The following FMN1 variants were observed in gnomAD, a reference collection of about 807,000 sequenced individuals.
The protein encoded by FMN1 is formin-1.
A neutral mutation model predicts 132.4 loss-of-function variants in FMN1; 110 were observed. The observed-to-expected ratio is 0.83, with a 90% CI of 0.71 to 0.97. The LOEUF is 0.97. Ranked by LOEUF, FMN1 falls within the 50% of genes least tolerant of loss-of-function variation. The probability of loss-of-function intolerance (pLI) is 0.00; values close to 1 mark genes in which losing one functional copy is unlikely to be tolerated. For synonymous variants in FMN1, 722 were observed against 651.7 expected (o/e 1.11, Z -1.64); for missense variants, 1,792 against 1,705.3 (o/e 1.05, Z -0.90).
intron 3 of FMN1, among the ~76,000 whole-genome samples, chr15:33,177,788 T>C (rs565274602): frequency 1.3e-5 from 2 of 152,310 alleles, no homozygotes; most frequent in East Asian, 3.9e-4. Flanking sequence ...ATGGATCACA[T>C]GAGGTCAGGA....
At chr15:32,926,663 T>C (rs1161712777) in intron 9 of FMN1, among the ~76,000 whole-genome samples, 2 of 152,226 alleles carry the variant, frequency 1.3e-5, no homozygotes, top group East Asian at 3.8e-4. Flanking sequence ...TTTAGTAATG[T>C]CATCTTCTGA....
intron 19 of FMN1, among the ~76,000 whole-genome samples, chr15:32,779,916 G>A (rs2056610437): frequency 6.6e-6 from 1 of 152,150 alleles, no homozygotes; most frequent in South Asian, 2.1e-4. Context: ...GGAATCAGAG[G>A]CATGATACTG....
chr15:32,881,225 T>A (rs1019037869), intron 16 of FMN1, among the ~76,000 whole-genome samples: 4 of 152,224 alleles, frequency 2.6e-5, no homozygotes, highest in African/African-American at 9.6e-5. Context: ...TTAATTTATG[T>A]ACAAATATGT....
At chr15:33,031,851 A>G (rs942854831) in intron 6 of FMN1, among the ~76,000 whole-genome samples, 5 of 152,260 alleles carry the variant, frequency 3.3e-5, no homozygotes, top group African/African-American at 4.8e-5. Context: ...AAATATATGA[A>G]CAAATGTTCA....
intron 10 of FMN1, among the ~76,000 whole-genome samples, chr15:32,920,297 T>C (rs1466207758): frequency 6.6e-6 from 1 of 152,160 alleles, no homozygotes; most frequent in Non-Finnish European, 1.5e-5. Flanking sequence ...TCATCCTATC[T>C]AGCAGATGGA....
At chr15:33,100,660 A>C (rs183776375) in intron 4 of FMN1, among the ~76,000 whole-genome samples, 1 of 152,328 alleles carries the variant, frequency 6.6e-6, no homozygotes, top group East Asian at 1.9e-4. Context: ...TAAAATATTA[A>C]ACATATTCAT....
chr15:32,913,104 C>T (rs1055600718), intron 10 of FMN1, among the ~76,000 whole-genome samples: 4 of 152,056 alleles, frequency 2.6e-5, no homozygotes, highest in African/African-American at 2.4e-5. Context: ...TTTCTGATCG[C>T]GGTTACTAGG....
At chr15:32,956,400 A>G (rs1481849878) in intron 9 of FMN1, among the ~76,000 whole-genome samples, 1 of 152,024 alleles carries the variant, frequency 6.6e-6, no homozygotes, top group African/African-American at 2.4e-5. Context: ...AAATAAACGT[A>G]CAACTTCTGG....
rs1469038840 is a variant in FMN1 at position 32,772,773 on chromosome 15, T to C, written c.*1537A>G. On this transcript the variant is annotated 3_prime_UTR_variant, in exon 21 of 21. Transcript: ENST00000616417. Reference sequence around the variant, plus strand: ...TCGAAGCTGACATTAGATTAGGATATGGTGCTGCTTTCATTACTGGATCTA... The same window carrying C: ...TCGAAGCTGACATTAGATTAGGATACGGTGCTGCTTTCATTACTGGATCTA... The C allele has an allele frequency of 5.9e-5, 9 of 152,284 alleles. No individual in the cohort carries two copies. Among genetic ancestry groups the C allele is most frequent in the Middle Eastern group, 3.2e-3 (1 of 316 alleles). The allele number at this position is 152,284 out of a possible 1,614,324, so 9.4% of individuals were successfully genotyped here.
At chr15:33,175,010 T>A (rs530478014) in intron 3 of FMN1, among the ~76,000 whole-genome samples, 15 of 152,010 alleles carry the variant, frequency 9.9e-5, no homozygotes, top group African/African-American at 3.4e-4. Flanking sequence ...GTAAAACTAG[T>A]TTCCTTTCAG....
At chr15:32,959,197 T>G (rs1394272927) in intron 9 of FMN1, among the ~76,000 whole-genome samples, 1 of 152,196 alleles carries the variant, frequency 6.6e-6, no homozygotes, top group Non-Finnish European at 1.5e-5. Context: ...CTGGCAAGTA[T>G]CCTCCTGGTC....
chr15:33,155,894 C>G (rs965749977), intron 3 of FMN1, among the ~76,000 whole-genome samples: 1 of 152,152 alleles, frequency 6.6e-6, no homozygotes, highest in African/African-American at 2.4e-5. Context: ...TGGCTACCAT[C>G]CCCACACACA....
chr15:33,145,035 T>C (rs900940255), intron 4 of FMN1, among the ~76,000 whole-genome samples: 1 of 152,180 alleles, frequency 6.6e-6, no homozygotes, highest in African/African-American at 2.4e-5. Flanking sequence ...AATAACAAGC[T>C]AAAAAATCGG....
chr15:33,118,023 G>A (rs930031833), intron 4 of FMN1, among the ~76,000 whole-genome samples: 1 of 152,128 alleles, frequency 6.6e-6, no homozygotes, highest in East Asian at 1.9e-4. Flanking sequence ...ATGATATAGT[G>A]TGTTGTGAAT....
intron 3 of FMN1, among the ~76,000 whole-genome samples, chr15:33,155,285 G>A (rs1964627819): frequency 6.6e-6 from 1 of 151,856 alleles, no homozygotes; most frequent in East Asian, 1.9e-4. Flanking sequence ...CAGGACAAAA[G>A]TTCCCTTTCC....
chr15:32,972,688 AT>A, intron 7 of FMN1, among the ~76,000 whole-genome samples: 1 of 152,100 alleles, frequency 6.6e-6, no homozygotes, highest in Middle Eastern at 3.4e-3. Flanking sequence ...CTTCCTTGCC[AT>A]TTTTTTCCTT....
At chr15:32,952,338 T>G (rs1232990810) in intron 9 of FMN1, among the ~76,000 whole-genome samples, 1 of 152,196 alleles carries the variant, frequency 6.6e-6, no homozygotes, top group South Asian at 2.1e-4. Flanking sequence ...GTAAGATGAT[T>G]ATATACAGAG....
intron 5 of FMN1, among the ~76,000 whole-genome samples, chr15:33,087,082 C>T (rs951155962): frequency 6.6e-6 from 1 of 152,222 alleles, no homozygotes; most frequent in African/African-American, 2.4e-5. Context: ...ATTTGTGGTG[C>T]TCACCTCATC....
At chr15:32,939,448 G>C (rs552011032) in intron 9 of FMN1, among the ~76,000 whole-genome samples, 1 of 151,358 alleles carries the variant, frequency 6.6e-6, no homozygotes, top group African/African-American at 2.5e-5. Flanking sequence ...ACATGACAAA[G>C]ATTTTTTTTT....
Sources: allele counts gnomAD v4.1 joint callset (sites outside exome capture counted in the v4.1 genomes callset), GRCh38; gene constraint gnomAD v4.1.1; transcripts MANE v1.5; gene names NCBI Gene and HGNC (gene_info 2026-07-23, HGNC 2026-07-21).